Variants in MATN2 observed in about 807,000 individuals in gnomAD.
MATN2 encodes matrilin-2.
A neutral mutation model predicts 103.2 loss-of-function variants in MATN2; 69 were observed. The ratio of observed to expected loss-of-function variants is 0.67; its 90% CI spans 0.55 to 0.82. The LOEUF (loss-of-function observed/expected upper bound fraction) is 0.82, where lower values mean the gene tolerates loss of function less well. MATN2 is among the 40% of genes least tolerant of loss of function. The pLI is 0.00. For missense variants in MATN2, 1,023 were observed against 1,211.5 expected (o/e 0.84, Z 2.31); for synonymous variants, 429 against 450.2 (o/e 0.95, Z 0.60).
At chr8:97,950,198 A>G (rs118097681) in intron 4 of MATN2, among the ~76,000 whole-genome samples, 1 of 152,318 alleles carries the variant, frequency 6.6e-6, no homozygotes, top group Non-Finnish European at 1.5e-5. Flanking sequence ...TAATCAGAAC[A>G]AGGTTTCGGA....
chr8:97,971,953 C>T (rs1220997660), intron 5 of MATN2, among the ~76,000 whole-genome samples: 2 of 147,876 alleles, frequency 1.4e-5, no homozygotes, highest in Non-Finnish European at 3.0e-5. Flanking sequence ...CCCAGCACTT[C>T]GGGAGGCCAA....
intron 2 of MATN2, among the ~76,000 whole-genome samples, chr8:97,897,619 A>T (rs997619193): frequency 1.7e-4 from 26 of 151,958 alleles, no homozygotes; most frequent in Admixed American, 7.9e-4. Context: ...TTGTTTTAAA[A>T]TTTTTTTTTA....
intron 7 of MATN2, among the ~76,000 whole-genome samples, chr8:97,999,130 A>G (rs1257392457): frequency 6.6e-6 from 1 of 152,230 alleles, no homozygotes; most frequent in African/African-American, 2.4e-5. Flanking sequence ...ATTGCTTGGC[A>G]TAATGTCTTC....
At chr8:97,963,624 C>T (rs961963324) in intron 5 of MATN2, among the ~76,000 whole-genome samples, 2 of 152,074 alleles carry the variant, frequency 1.3e-5, no homozygotes, top group African/African-American at 2.4e-5. Flanking sequence ...TGCTGTTTAT[C>T]GGAGATGGGC....
intron 7 of MATN2, among the ~76,000 whole-genome samples, chr8:98,003,175 C>T (rs1812843777): frequency 6.6e-6 from 1 of 151,866 alleles, no homozygotes; most frequent in Non-Finnish European, 1.5e-5. Context: ...CATTTGTGTT[C>T]ACTGTTCCCT....
chr8:97,896,733 A>G (rs1442617976), intron 2 of MATN2, among the ~76,000 whole-genome samples: 92 of 91,988 alleles, frequency 1.0e-3, no homozygotes, highest in Middle Eastern at 0.012. Flanking sequence ...TAACACAGCA[A>G]GGCTGGGCAG....
intron 6 of MATN2, among the ~76,000 whole-genome samples, chr8:97,980,823 C>A (rs1024101921): frequency 6.6e-6 from 1 of 152,026 alleles, no homozygotes; most frequent in Non-Finnish European, 1.5e-5. Flanking sequence ...CCCACCTCAG[C>A]CTCCCAAAGT....
At chr8:97,973,579 T>TC in intron 5 of MATN2, among the ~76,000 whole-genome samples, 1 of 151,350 alleles carries the variant, frequency 6.6e-6, no homozygotes, top group East Asian at 1.9e-4. Context: ...ATCTTTTTTT[T>TC]TTTTTTTTTT....
chr8:97,913,949 G>A (rs1586408150), intron 2 of MATN2, among the ~76,000 whole-genome samples: 2 of 152,310 alleles, frequency 1.3e-5, no homozygotes, highest in South Asian at 4.1e-4. Flanking sequence ...GGATTAAATA[G>A]GTAGAGGAGT....
chr8:97,947,241 G>T (rs1333080028), intron 4 of MATN2, among the ~76,000 whole-genome samples: 1 of 152,132 alleles, frequency 6.6e-6, no homozygotes, highest in Non-Finnish European at 1.5e-5. Flanking sequence ...GTGTGGTGGT[G>T]CATGCCTGTA....
At chr8:97,893,813 G>C (rs2130000857) in intron 2 of MATN2, among the ~76,000 whole-genome samples, 1 of 152,252 alleles carries the variant, frequency 6.6e-6, no homozygotes, top group East Asian at 1.9e-4. Flanking sequence ...AAAGTGCTGG[G>C]ATTACTGGCG....
At chr8:97,967,316 T>A (rs191280535) in intron 5 of MATN2, among the ~76,000 whole-genome samples, 1 of 152,168 alleles carries the variant, frequency 6.6e-6, no homozygotes, top group African/African-American at 2.4e-5. Context: ...CAAAATACAA[T>A]CGTGCCTTTG....
Position 97,929,507 on chromosome 8 carries a change from A to G in MATN2, c.143-1446A>G, listed in dbSNP as rs1327036886. On this transcript the variant is annotated intron_variant, in intron 2 of 18. Transcript: ENST00000254898. ...CAACAGGAATGCCCAGCCTCCACCCACTAAAGCTGGAGGCCTCTCATCTCA... is the reference window on the plus strand; with the variant it reads ...CAACAGGAATGCCCAGCCTCCACCCGCTAAAGCTGGAGGCCTCTCATCTCA... 3.9e-5 allele frequency among the ~76,000 whole-genome samples: 6 copies of G among 152,304 alleles called. No individual in the cohort carries two copies. In the East Asian group the frequency reaches 1.2e-3, roughly 29 times the overall value.
In MATN2 at chr8:98,027,418, T is replaced by C. The variant is rs368472674; in HGVS notation, c.1945T>C (p.Cys649Arg). Residue 649 changes from cysteine (C) to arginine (R), a missense_variant and splice_region_variant, in exon 14 of 19, where the codon TGC (cysteine) becomes CGC (arginine). Cys to Arg is a radical substitution (Grantham distance 180, BLOSUM62 -3). Coordinates refer to ENST00000254898, the MANE Select transcript of MATN2 (RefSeq NM_002380.5). Reference sequence around the variant, plus strand: ...CAACTTTCCTTCTGTTCATATAGAATGCACTGAAGGCCCAATTGACCTGGT... The same window carrying C: ...CAACTTTCCTTCTGTTCATATAGAACGCACTGAAGGCCCAATTGACCTGGT... ...LAEDGRRCKK[C>R]TEGPIDLVFV... The C allele has an allele frequency of 3.9e-5, 62 of 1,598,212 alleles. No individual in the cohort carries two copies. Among genetic ancestry groups the C allele is most frequent in the Non-Finnish European group, 5.1e-5 (60 of 1,168,272 alleles).
intron 12 of MATN2, among the ~76,000 whole-genome samples, chr8:98,019,905 G>C (rs1446843622): frequency 6.6e-6 from 1 of 152,216 alleles, no homozygotes; most frequent in African/African-American, 2.4e-5. Context: ...AGCCAACAAG[G>C]CTGGGTTGGA....
chr8:98,035,554 C>A, intron 18 of MATN2, 103 bp from the exon 19 acceptor site: 4 of 639,256 alleles, frequency 6.3e-6, no homozygotes, highest in South Asian at 4.7e-5. Flanking sequence ...AAAACCAAAA[C>A]CTTTTAGATT....
chr8:97,973,571 C>CTT (rs10546662), intron 5 of MATN2, among the ~76,000 whole-genome samples: 1 of 118,726 alleles, frequency 8.4e-6, no homozygotes, highest in Non-Finnish European at 1.8e-5. Flanking sequence ...ATTTACAAAT[C>CTT]TTTTTTTTTT....
intron 1 of MATN2, among the ~76,000 whole-genome samples, chr8:97,879,494 C>T (rs1818180846): frequency 6.6e-6 from 1 of 152,188 alleles, no homozygotes; most frequent in Non-Finnish European, 1.5e-5. Flanking sequence ...GAGGGCAGTT[C>T]TGAGGCTCCT....
chr8:97,923,625 G>T (rs146723656), intron 2 of MATN2, among the ~76,000 whole-genome samples: 1 of 151,488 alleles, frequency 6.6e-6, no homozygotes, highest in African/African-American at 2.4e-5. Flanking sequence ...GCACAATCTC[G>T]GCTCACTGCT....
Sources: allele counts gnomAD v4.1 joint callset (sites outside exome capture counted in the v4.1 genomes callset), GRCh38; gene constraint gnomAD v4.1.1; transcripts MANE v1.5; gene names NCBI Gene and HGNC (gene_info 2026-07-23, HGNC 2026-07-21).